Variants in CFHR5 observed in about 807,000 individuals in gnomAD.
The protein encoded by CFHR5 is complement factor H-related protein 5.
A neutral mutation model predicts 62.9 loss-of-function variants in CFHR5; 73 were observed. The observed-to-expected ratio is 1.16, with a 90% CI of 0.96 to 1.41. The LOEUF (loss-of-function observed/expected upper bound fraction) is 1.41. CFHR5 is among the 40% of genes most tolerant of loss of function. The pLI, the probability that CFHR5 is intolerant of heterozygous loss-of-function variation, is 0.00. For synonymous variants in CFHR5, 249 were observed against 227.2 expected (o/e 1.10, Z -0.86); for missense variants, 779 against 679.9 (o/e 1.15, Z -1.62).
At chr1:196,975,694 G>A (rs1653379451), upstream of CFHR5, among the ~76,000 whole-genome samples, 1 of 152,166 alleles carries the variant, frequency 6.6e-6, no homozygotes, top group African/African-American at 2.4e-5. Context: ...AATGAAAACA[G>A]GAGAGGGGAA....
At chr1:197,001,816 C>T (rs558108313) in intron 7 of CFHR5, among the ~76,000 whole-genome samples, 1 of 151,410 alleles carries the variant, frequency 6.6e-6, no homozygotes, top group African/African-American at 2.4e-5. Context: ...CAGTAGCCAC[C>T]ACTCTGGAAA....
rs888901020 is a variant in CFHR5, at chr1:196,996,655, T to C, written c.970+454T>C. Reference sequence around the variant, plus strand: ...TAACTTAGTCTTTACCTCAGCATGTTCCAGATAGAACAACCTAAAAAATAG... The same window carrying C: ...TAACTTAGTCTTTACCTCAGCATGTCCCAGATAGAACAACCTAAAAAATAG... On this transcript the variant is annotated intron_variant, in intron 6 of 9. Coordinates refer to ENST00000256785, the MANE Select transcript of CFHR5 (RefSeq NM_030787.4). 5.3e-5 allele frequency among the ~76,000 whole-genome samples: 8 copies of C among 152,130 alleles called. No homozygotes were observed. In the East Asian group the frequency reaches 1.5e-3, roughly 29 times the overall value.
Position 196,977,645 on chromosome 1 carries a change from T to C in CFHR5, c.-20T>C, listed in dbSNP as rs9427662. 0.11 allele frequency: 170,543 copies of C among 1,596,032 alleles called. 14,105 individuals carry two copies. The highest frequency in any genetic ancestry group is 0.44 in the African/African-American group (32,499 of 74,330). On this transcript the variant is annotated 5_prime_UTR_variant, in exon 1 of 10. Coordinates refer to ENST00000256785, the MANE Select transcript of CFHR5 (RefSeq NM_030787.4). ...CATCACTGGAGTATTTTTAGTTATA[T>C]ACGATTGAGACTACCAAGCATGTTG...
chr1:197,001,718 A>C (rs1654159951), intron 7 of CFHR5, among the ~76,000 whole-genome samples: 3 of 102,328 alleles, frequency 2.9e-5, no homozygotes, highest in Non-Finnish European at 3.9e-5. Context: ...CCACCCCACA[A>C]CAGCCCCCGG....
intron 3 of CFHR5, among the ~76,000 whole-genome samples, chr1:196,987,383 A>G (rs1017819679): frequency 5.3e-5 from 8 of 152,054 alleles, no homozygotes; most frequent in African/African-American, 1.9e-4. Flanking sequence ...CCATTTGTCT[A>G]TTTTGGCTTT....
chr1:197,000,790 A>C (rs1259541201), intron 7 of CFHR5, among the ~76,000 whole-genome samples: 2 of 152,166 alleles, frequency 1.3e-5, no homozygotes, highest in Admixed American at 6.5e-5. Flanking sequence ...TACTTAAACC[A>C]CCAAACAGAA....
intron 3 of CFHR5, 84 bp downstream of exon 3, chr1:196,984,221 T>A: frequency 8.5e-7 from 1 of 1,177,298 alleles, no homozygotes; most frequent in Non-Finnish European, 1.2e-6. Flanking sequence ...AGGTTAAATA[T>A]AGGTTTCACC....
At chr1:196,993,720 T>C (rs1450658664) in intron 3 of CFHR5, among the ~76,000 whole-genome samples, 1 of 152,190 alleles carries the variant, frequency 6.6e-6, no homozygotes, top group Non-Finnish European at 1.5e-5. Context: ...ATTCCTATTC[T>C]GTATTATAAA....
chr1:196,993,962 G>T lies in CFHR5; in HGVS notation c.431-118G>T, dbSNP rs1474888261. The T allele has an allele frequency of 3.8e-6, 3 of 786,062 alleles. No individual in the cohort carries two copies. In the African/African-American group the frequency reaches 5.3e-5, roughly 14 times the overall value. The allele number at this position is 786,062 out of a possible 1,614,324, so 48.7% of individuals were successfully genotyped here. A position where few individuals can be genotyped will look rare whatever the true frequency, so the allele number is the denominator to read the frequency against. ...AATTAGTCTATATGTTTTCTCGAAG[G>T]CAAGAATATATTTTATACTCTGTAT... On this transcript the variant is annotated intron_variant, in intron 3 of 9. Transcript: ENST00000256785.
At position 196,990,760 on chromosome 1, in the gene CFHR5, C is replaced by G. The variant is rs888774436; in HGVS notation, c.431-3320C>G. On this transcript the variant is annotated intron_variant, in intron 3 of 9. Coordinates refer to ENST00000256785, the MANE Select transcript of CFHR5 (RefSeq NM_030787.4). ...GATCCACTATTAGTCTGATGGGCTT[C>G]CCTTTGTGGGTAACCCAACCTTTCT... is the stretch of plus-strand genomic sequence containing the variant. Among the ~76,000 whole-genome samples, 11 of 152,136 alleles carry G rather than the reference C, an allele frequency of 7.2e-5. 1 individual carries two copies. The highest frequency in any genetic ancestry group is 1.3e-4 in the Non-Finnish European group (9 of 68,018).
At chr1:196,977,824 A>G in intron 1 of CFHR5, 102 bp downstream of exon 1, 3 of 916,234 alleles carry the variant, frequency 3.3e-6, no homozygotes, top group Non-Finnish European at 5.5e-6. Context: ...TAAATAGCTG[A>G]GGATAATTTG....
At chr1:197,004,919 T>A in intron 9 of CFHR5, 76 bp downstream of exon 9, 1 of 1,089,078 alleles carries the variant, frequency 9.2e-7, no homozygotes, top group South Asian at 1.3e-5. Context: ...TTTCATAGAA[T>A]AACCCTTACT....
intron 9 of CFHR5, 98 bp downstream of exon 9, chr1:197,004,941 C>T (rs2125039971): frequency 3.1e-6 from 3 of 954,596 alleles, no homozygotes; most frequent in Non-Finnish European, 3.2e-6. Flanking sequence ...AAGTTTCATT[C>T]AGTCAAAATC....
intron 7 of CFHR5, among the ~76,000 whole-genome samples, chr1:196,998,915 A>C (rs1654061878): frequency 6.6e-6 from 1 of 152,034 alleles, no homozygotes; most frequent in Non-Finnish European, 1.5e-5. Flanking sequence ...GATAGACTGC[A>C]GACTTCTCAT....
chr1:196,996,114 G>T lies in CFHR5; in HGVS notation c.883G>T (p.Val295Leu), dbSNP rs775584151. ...CTATCAACATGGAGTTTCAGTCGAGGTGAATTGCAGAAATGAATATGCAAT... is the reference window on the plus strand; with the variant it reads ...CTATCAACATGGAGTTTCAGTCGAGTTGAATTGCAGAAATGAATATGCAAT... Reference protein sequence around the residue: ...PPYQHGVSVEVNCRNEYAMIG... With the variant: ...PPYQHGVSVELNCRNEYAMIG... Residue 295 changes from valine to leucine, a missense_variant, in exon 6 of 10, where the codon GTG becomes TTG. Val to Leu is a conservative substitution (Grantham distance 32). Transcript: ENST00000256785. 2 of 1,613,186 alleles carry T rather than the reference G, an allele frequency of 1.2e-6. No homozygotes were observed. Among genetic ancestry groups the T allele is most frequent in the East Asian group, 4.5e-5 (2 of 44,848 alleles).
At position 196,983,069 on chromosome 1, in the gene CFHR5, G is replaced by C. The variant is rs7532068; in HGVS notation, c.243G>C (p.Pro81=). 1.9e-6 allele frequency: 3 copies of C among 1,613,782 alleles called. No individual in the cohort carries two copies. Among genetic ancestry groups the C allele is most frequent in the Admixed American group, 3.3e-5 (2 of 59,984 alleles). Residue 81 remains proline (P), a synonymous_variant, in exon 2 of 10, where the codon CCG becomes CCC. Transcript: ENST00000256785. ...TCTEEGWSPT[P]KCLRMCSFPF... ...CAGAAGAAGGATGGTCACCAACACC[G>C]AAGTGTCTCAGTGAGTAAATGCCCT...
At chr1:196,984,757 A>C (rs796611694) in intron 3 of CFHR5, among the ~76,000 whole-genome samples, 4 of 152,268 alleles carry the variant, frequency 2.6e-5, no homozygotes, top group African/African-American at 9.6e-5. Context: ...ACACCTCAGT[A>C]TTCAACCAAA....
chr1:196,975,356 C>G (rs990424020), upstream of CFHR5, among the ~76,000 whole-genome samples: 9 of 152,084 alleles, frequency 5.9e-5, no homozygotes, highest in Admixed American at 5.2e-4. Context: ...AATTTTTGAG[C>G]TTTTGTTGTT....
chr1:196,988,319 C>G lies in CFHR5; in HGVS notation c.430+4182C>G, dbSNP rs556068386. Among the ~76,000 whole-genome samples, 433 of 152,072 alleles carry G rather than the reference C, an allele frequency of 2.8e-3. 6 individuals carry two copies. Among genetic ancestry groups the G allele is most frequent in the East Asian group, 0.01 (52 of 5,164 alleles). On this transcript the variant is annotated intron_variant, in intron 3 of 9. Transcript: ENST00000256785. ...ATACAATCATGTCATCTGCAAACAGCAACAATTTGACTTCCTCTTTTCCTA... is the reference window on the plus strand; with the variant it reads ...ATACAATCATGTCATCTGCAAACAGGAACAATTTGACTTCCTCTTTTCCTA...
Sources: allele counts gnomAD v4.1 joint callset (sites outside exome capture counted in the v4.1 genomes callset), GRCh38; gene constraint gnomAD v4.1.1; transcripts MANE v1.5; gene names NCBI Gene and HGNC (gene_info 2026-07-23, HGNC 2026-07-21).